GON4L: variants seen among roughly 807,000 people sequenced by gnomAD.
The protein encoded by GON4L is gon-4 like, also known as GON-4-like protein.
A neutral mutation model predicts 211.8 loss-of-function variants in GON4L; 87 were observed. That is an observed-to-expected ratio of 0.41 (90% CI 0.35 to 0.49). GON4L has a LOEUF of 0.49. GON4L is among the 20% of genes least tolerant of loss of function. GON4L has a pLI of 0.15. For missense variants in GON4L, 2,155 were observed against 2,659.5 expected (o/e 0.81, Z 4.17); for synonymous variants, 875 against 962.6 (o/e 0.91, Z 1.68).
intron 2 of GON4L, chr1:155,845,934 G>GT (rs1169487271): frequency 4.6e-6 from 1 of 216,192 alleles, no homozygotes; most frequent in Non-Finnish European, 9.9e-6. Context: ...CTTTCCCAGT[G>GT]TATCACAAAC....
rs190532418 is a variant in GON4L, at chr1:155,811,341, G to A, written c.1452+2293C>T. On this transcript the variant is annotated intron_variant, in intron 10 of 31. Coordinates refer to ENST00000368331, the MANE Select transcript of GON4L (RefSeq NM_001282860.2). ...TGGGAGGCGGAGCTTGCAGTGAGCC[G>A]AGATCGCACCACTGCACTCCAGCCT... 2.2e-3 allele frequency among the ~76,000 whole-genome samples: 261 copies of A among 117,062 alleles called. 1 individual carries two copies. The highest frequency in any genetic ancestry group is 8.0e-3 in the African/African-American group (242 of 30,334). 76.8% of individuals were successfully genotyped at this position (117,062 alleles called of 152,430 possible).
At chr1:155,755,209 T>A (rs1661051851) in intron 27 of GON4L, among the ~76,000 whole-genome samples, 1 of 151,922 alleles carries the variant, frequency 6.6e-6, no homozygotes, top group African/African-American at 2.4e-5. Flanking sequence ...TAGCTGGGAT[T>A]ACAGGCGCAT....
intron 19 of GON4L, among the ~76,000 whole-genome samples, chr1:155,767,885 T>C (rs1334089278): frequency 6.6e-6 from 1 of 152,128 alleles, no homozygotes; most frequent in Non-Finnish European, 1.5e-5. Context: ...TTGTTCTTGA[T>C]CAACAGCTGC....
chr1:155,850,772 C>T lies in GON4L; in HGVS notation c.505+2504G>A, dbSNP rs376391400. On this transcript the variant is annotated intron_variant, in intron 2 of 31. Transcript: ENST00000368331. ...TAACAGTCAAAATGAATGAATAGGCCGGGTGCAGTGGTTCACGCCTGTAAT... is the reference window on the plus strand; with the variant it reads ...TAACAGTCAAAATGAATGAATAGGCTGGGTGCAGTGGTTCACGCCTGTAAT... Among the ~76,000 whole-genome samples, 72 of 152,018 alleles carry T rather than the reference C, an allele frequency of 4.7e-4. 1 individual carries two copies. In the South Asian group the frequency reaches 9.1e-3, roughly 19 times the overall value.
At chr1:155,832,398 T>TG (rs1053425688) in intron 2 of GON4L, among the ~76,000 whole-genome samples, 7 of 151,546 alleles carry the variant, frequency 4.6e-5, no homozygotes, top group Non-Finnish European at 8.8e-5. Context: ...CCCAGCACTT[T>TG]GGGAGGCCGA....
intron 14 of GON4L, among the ~76,000 whole-genome samples, chr1:155,781,728 T>A (rs1664448265): frequency 6.6e-6 from 1 of 152,056 alleles, no homozygotes; most frequent in African/African-American, 2.4e-5. Context: ...CCCAAAATGC[T>A]GGGATTACTG....
At chr1:155,769,363 A>C (rs1478074238) in intron 19 of GON4L, among the ~76,000 whole-genome samples, 1 of 152,234 alleles carries the variant, frequency 6.6e-6, no homozygotes, top group African/African-American at 2.4e-5. Flanking sequence ...ACAAAAACAC[A>C]GATGTAGAAT....
At chr1:155,835,307 G>T (rs540357121) in intron 2 of GON4L, among the ~76,000 whole-genome samples, 7 of 151,220 alleles carry the variant, frequency 4.6e-5, no homozygotes, top group East Asian at 3.9e-4. Flanking sequence ...TAATCTCAAG[G>T]ACCCAGGGAC....
intron 11 of GON4L, among the ~76,000 whole-genome samples, chr1:155,802,554 G>A (rs866120031): frequency 6.6e-6 from 1 of 152,132 alleles, no homozygotes. Flanking sequence ...TCATGTAGCT[G>A]TCTCTGATCA....
intron 10 of GON4L, among the ~76,000 whole-genome samples, chr1:155,813,169 C>T (rs1490905444): frequency 6.6e-6 from 1 of 152,122 alleles, no homozygotes; most frequent in African/African-American, 2.4e-5. Flanking sequence ...CGGTGGTTCA[C>T]ACCAGTAGTC....
rs558453481 is a variant in GON4L, at chr1:155,785,100, A to G, written c.1788+234T>C. On this transcript the variant is annotated intron_variant, in intron 13 of 31. Coordinates refer to ENST00000368331, the MANE Select transcript of GON4L (RefSeq NM_001282860.2). ...GGGTGATGGAGCAAGAACCCCCTCAAACAAAAAGAAGTTTCAAGGAAAATG... is the reference window on the plus strand; with the variant it reads ...GGGTGATGGAGCAAGAACCCCCTCAGACAAAAAGAAGTTTCAAGGAAAATG... 2.1e-4 allele frequency: 124 copies of G among 583,424 alleles called. 3 individuals carry two copies. Among genetic ancestry groups the G allele is most frequent in the South Asian group, 1.9e-3 (119 of 62,630 alleles). 36.1% of individuals were successfully genotyped at this position (583,424 alleles called of 1,614,324 possible). A position where few individuals can be genotyped will look rare whatever the true frequency, so the allele number is the denominator to read the frequency against.
At chr1:155,769,866 C>T (rs1662994724) in intron 19 of GON4L, among the ~76,000 whole-genome samples, 3 of 151,558 alleles carry the variant, frequency 2.0e-5, no homozygotes, top group Admixed American at 6.6e-5. Context: ...AGTGAGGAGA[C>T]AGGTAAATCC....
intron 17 of GON4L, among the ~76,000 whole-genome samples, chr1:155,774,121 A>C (rs1163777554): frequency 3.9e-5 from 6 of 152,176 alleles, no homozygotes; most frequent in Admixed American, 1.3e-4. Flanking sequence ...GGCTTAAGTA[A>C]ATAGCAAGTA....
At chr1:155,756,349 A>C (rs1661177769) in intron 27 of GON4L, among the ~76,000 whole-genome samples, 1 of 152,178 alleles carries the variant, frequency 6.6e-6, no homozygotes, top group Non-Finnish European at 1.5e-5. Flanking sequence ...AAAAATGAAA[A>C]AAGTTGAATT....
Position 155,800,625 on chromosome 1 carries a change from G to A in GON4L, c.1645+4324C>T, listed in dbSNP as rs568667296. On this transcript the variant is annotated intron_variant, in intron 11 of 31. Transcript: ENST00000368331. The stretch of plus-strand genomic sequence containing the variant: ...TCCCAGCACTTTGGGAGGCTGAGGC[G>A]AGTGGAACAGAAGGTCAGGAGTTCG... Among the ~76,000 whole-genome samples the A allele has an allele frequency of 1.8e-4, 27 of 152,220 alleles. 1 individual carries two copies. Among genetic ancestry groups the A allele is most frequent in the South Asian group, 1.7e-3 (8 of 4,822 alleles).
rs1571655231 is a variant in GON4L, at chr1:155,764,985, T to C, written c.4473+15A>G. The C allele has an allele frequency of 6.2e-7, 1 of 1,613,750 alleles. No individual in the cohort carries two copies. The highest frequency in any genetic ancestry group is 8.5e-7 in the Non-Finnish European group (1 of 1,179,734). On this transcript the variant is annotated intron_variant, in intron 21 of 31. Coordinates refer to ENST00000368331, the MANE Select transcript of GON4L (RefSeq NM_001282860.2). ...TGAGTCCACGAAATACTTGAGAATATTCTCCAGCTCTCACCTGGAGTTCTG... is the reference window on the plus strand; with the variant it reads ...TGAGTCCACGAAATACTTGAGAATACTCTCCAGCTCTCACCTGGAGTTCTG...
chr1:155,821,252 T>G (rs1313688411), intron 5 of GON4L, among the ~76,000 whole-genome samples: 1 of 151,242 alleles, frequency 6.6e-6, no homozygotes, highest in Non-Finnish European at 1.5e-5. Flanking sequence ...GGTGACAGAG[T>G]AAGACTCCGT....
intron 28 of GON4L, 53 bp from the exon 29 acceptor site, chr1:155,753,467 T>A: frequency 1.5e-6 from 2 of 1,371,918 alleles, no homozygotes; most frequent in Non-Finnish European, 2.1e-6. Flanking sequence ...ATGTCTTTGG[T>A]TGGGGCCCAC....
downstream of GON4L, among the ~76,000 whole-genome samples, chr1:155,745,527 C>G (rs2101560706): frequency 6.6e-6 from 1 of 152,366 alleles, no homozygotes; most frequent in Non-Finnish European, 1.5e-5. Flanking sequence ...CCTTCCGCGG[C>G]CCGCGCCCTG....
Sources: allele counts gnomAD v4.1 joint callset (sites outside exome capture counted in the v4.1 genomes callset), GRCh38; gene constraint gnomAD v4.1.1; transcripts MANE v1.5; gene names NCBI Gene and HGNC (gene_info 2026-07-23, HGNC 2026-07-21).